CCDC18: variants seen among roughly 807,000 people sequenced by gnomAD.
CCDC18 encodes coiled-coil domain containing 18.
Under a neutral mutation model 196.0 loss-of-function variants are expected in CCDC18, and 157 were observed. The observed-to-expected ratio is 0.80, with a 90% CI of 0.70 to 0.91. The LOEUF (loss-of-function observed/expected upper bound fraction) is 0.91. Among genes scored for constraint, CCDC18 ranks in the 40% least tolerant of loss-of-function variants. CCDC18 has a pLI of 0.00. For synonymous variants in CCDC18, 482 were observed against 529.2 expected, an observed-to-expected ratio of 0.91 and a Z score of 1.22; for missense variants, 1,465 against 1,611.6, an observed-to-expected ratio of 0.91 and a Z score of 1.56.
chr1:93,231,857 C>T (rs1345147282), intron 17 of CCDC18, among the ~76,000 whole-genome samples: 2 of 152,074 alleles, frequency 1.3e-5, no homozygotes, highest in Non-Finnish European at 2.9e-5. Context: ...ATAAATAGCA[C>T]CAAACATCAT....
intron 15 of CCDC18, 44 bp downstream of exon 15, chr1:93,221,787 A>G: frequency 6.3e-7 from 1 of 1,593,606 alleles, no homozygotes; most frequent in Non-Finnish European, 8.5e-7. Context: ...GTTGACTAAT[A>G]TTTTATGTCT....
At chr1:93,268,587 A>C (rs568795159) in intron 27 of CCDC18, among the ~76,000 whole-genome samples, 1 of 150,012 alleles carries the variant, frequency 6.7e-6, no homozygotes, top group Non-Finnish European at 1.5e-5. Context: ...TTACAAGAAA[A>C]AAACAACCCC....
chr1:93,259,224 A>G (rs1282104150), intron 26 of CCDC18, among the ~76,000 whole-genome samples: 1 of 152,192 alleles, frequency 6.6e-6, no homozygotes, highest in Non-Finnish European at 1.5e-5. Context: ...AATATAAAAT[A>G]GCATTTGTAA....
intron 9 of CCDC18, among the ~76,000 whole-genome samples, chr1:93,209,150 G>A (rs1655210786): frequency 6.6e-6 from 1 of 152,072 alleles, no homozygotes; most frequent in Admixed American, 6.6e-5. Context: ...TAGAGACAGG[G>A]TTTCTCCATG....
chr1:93,262,223 C>G (rs1663902611), intron 26 of CCDC18: 1 of 152,160 alleles, frequency 6.6e-6, no homozygotes, highest in African/African-American at 2.4e-5. Flanking sequence ...CCTGGCCCCT[C>G]CCAGATCTCT....
Position 93,226,429 on chromosome 1 carries a change from T to G in CCDC18, c.2272T>G (p.Leu758Val). 1 of 1,513,968 alleles carries G rather than the reference T, an allele frequency of 6.6e-7. No homozygotes were observed. The highest frequency in any genetic ancestry group is 9.2e-7 in the Non-Finnish European group (1 of 1,092,836). 93.8% of individuals were successfully genotyped at this position (1,513,968 alleles called of 1,614,324 possible). ...AAATAAGGAAAAGTTTGAAAAACAG[T>G]TAAAGAAGAAATCTGAAGAGGTAAA... Reference protein sequence around the residue: ...EGNKEKFEKQLKKKSEEVYCL... With the variant: ...EGNKEKFEKQVKKKSEEVYCL... The change falls in exon 17 of 29, where the codon TTA (leucine) becomes GTA (valine). Residue 758 changes from leucine (L) to valine (V), a missense_variant. Transcript: ENST00000690025.
At chr1:93,200,334 T>TA (rs34770788) in intron 6 of CCDC18, among the ~76,000 whole-genome samples, 78,525 of 141,246 alleles carry the variant, frequency 0.56, 23,073 homozygotes, top group South Asian at 0.68. Flanking sequence ...GGAGATTATT[T>TA]AAAAAAAAAA....
intron 4 of CCDC18, among the ~76,000 whole-genome samples, chr1:93,190,481 A>G (rs1048875738): frequency 2.0e-5 from 3 of 152,114 alleles, no homozygotes; most frequent in African/African-American, 7.2e-5. Context: ...GTGAGACTCC[A>G]TCTCAAAAAA....
intron 17 of CCDC18, among the ~76,000 whole-genome samples, chr1:93,231,963 C>T (rs763792943): frequency 1.4e-4 from 21 of 152,200 alleles, no homozygotes; most frequent in Non-Finnish European, 2.6e-4. Context: ...TTCCCTCCTT[C>T]TGGGAGAGGT....
At chr1:93,214,989 A>G in intron 12 of CCDC18, 23 bp downstream of exon 12, 1 of 1,440,032 alleles carries the variant, frequency 6.9e-7, no homozygotes, top group Non-Finnish European at 9.5e-7. Context: ...TTAGCTTGGT[A>G]TATATGTTAA....
intron 23 of CCDC18, among the ~76,000 whole-genome samples, chr1:93,247,665 C>A (rs769147962): frequency 5.3e-5 from 8 of 152,080 alleles, no homozygotes; most frequent in African/African-American, 9.7e-5. Flanking sequence ...ATCTTCCCCC[C>A]TCAGCTTCCC....
chr1:93,254,371 T>C (rs1662664617), intron 23 of CCDC18, 100 bp from the exon 24 acceptor site: 1 of 876,216 alleles, frequency 1.1e-6, no homozygotes, highest in Admixed American at 3.1e-5. Flanking sequence ...TATTTTGCTT[T>C]TAGATATGAG....
intron 23 of CCDC18, among the ~76,000 whole-genome samples, chr1:93,249,343 TTCTC>T (rs1010555621): frequency 1.3e-5 from 2 of 152,214 alleles, no homozygotes; most frequent in African/African-American, 4.8e-5. Flanking sequence ...TTTATTTGGA[TTCTC>T]TCTCTTCTTA....
intron 27 of CCDC18, chr1:93,269,548 T>C (rs189390139): frequency 1.4e-4 from 21 of 152,134 alleles, no homozygotes; most frequent in African/African-American, 4.8e-4. Flanking sequence ...GTTTTAGTTA[T>C]GAACACAGTA....
Position 93,183,467 on chromosome 1 carries a change from T to G in CCDC18, c.106T>G (p.Leu36Val), listed in dbSNP as rs1488601113. Residue 36 changes from leucine to valine, a missense_variant, in exon 2 of 29, where the codon TTG becomes GTG. Leu to Val is a conservative substitution (Grantham distance 32, BLOSUM62 1). Transcript: ENST00000690025. Reference sequence around the variant, plus strand: ...TGAACTGAAGATAACAGAATGGAGTTTGCAGAGTTTAGGGGAAGAGTTATC... The same window carrying G: ...TGAACTGAAGATAACAGAATGGAGTGTGCAGAGTTTAGGGGAAGAGTTATC... ...RHELKITEWS[L>V]QSLGEELSSV... The G allele has an allele frequency of 6.2e-7, 1 of 1,603,666 alleles. No individual in the cohort carries two copies. The highest frequency in any genetic ancestry group is 1.1e-5 in the South Asian group (1 of 88,588).
chr1:93,260,195 C>A (rs1257129516), intron 26 of CCDC18, among the ~76,000 whole-genome samples: 1 of 152,126 alleles, frequency 6.6e-6, no homozygotes, highest in African/African-American at 2.4e-5. Flanking sequence ...ACCAGCCTGA[C>A]CAACATGGCA....
chr1:93,234,456 G>A (rs1659738801), intron 18 of CCDC18, among the ~76,000 whole-genome samples: 1 of 151,958 alleles, frequency 6.6e-6, no homozygotes, highest in South Asian at 2.1e-4. Context: ...CACTGCGCCT[G>A]GCCTCATTTG....
chr1:93,248,409 A>C (rs989620557), intron 23 of CCDC18, among the ~76,000 whole-genome samples: 3 of 152,152 alleles, frequency 2.0e-5, no homozygotes, highest in African/African-American at 7.2e-5. Flanking sequence ...TTTAATTTTA[A>C]TATGAAATTA....
At chr1:93,268,959 A>G (rs191953586) in intron 27 of CCDC18, among the ~76,000 whole-genome samples, 2,202 of 152,266 alleles carry the variant, frequency 0.014, 31 homozygotes, top group South Asian at 0.04. Flanking sequence ...TCATGCTGCT[A>G]TAAAGACACA....
Sources: allele counts gnomAD v4.1 joint callset (sites outside exome capture counted in the v4.1 genomes callset), GRCh38; gene constraint gnomAD v4.1.1; transcripts MANE v1.5; gene names NCBI Gene and HGNC (gene_info 2026-07-23, HGNC 2026-07-21).